The following ZNF423 variants were observed in gnomAD, a reference collection of about 807,000 sequenced individuals.
The protein encoded by ZNF423 is Ebf-associated zinc finger protein.
Under a neutral mutation model 95.8 loss-of-function variants are expected in ZNF423, and 12 were observed. The ratio of observed to expected loss-of-function variants is 0.13; its 90% CI spans 0.08 to 0.20. ZNF423 has a LOEUF of 0.20. Ranked by LOEUF, ZNF423 falls within the 10% of genes least tolerant of loss-of-function variation. The pLI, the probability that ZNF423 is intolerant of heterozygous loss-of-function variation, is 1.00. For synonymous variants in ZNF423, 749 were observed against 711.9 expected, an observed-to-expected ratio of 1.05 and a Z score of -0.83; for missense variants, 1,316 against 1,737.1, an observed-to-expected ratio of 0.76 and a Z score of 4.31.
At chr16:49,600,534 A>G (rs1971331875) in intron 5 of ZNF423, among the ~76,000 whole-genome samples, 2 of 151,982 alleles carry the variant, frequency 1.3e-5, no homozygotes, top group Admixed American at 1.3e-4. Context: ...GATAGACACA[A>G]TTCTGGGCAA....
chr16:49,760,996 A>G (rs992774824), intron 2 of ZNF423, among the ~76,000 whole-genome samples: 6 of 151,662 alleles, frequency 4.0e-5, no homozygotes, highest in Admixed American at 1.3e-4. Flanking sequence ...GCACACACGC[A>G]CACATATATA....
At chr16:49,756,840 G>A (rs907300402) in intron 2 of ZNF423, among the ~76,000 whole-genome samples, 4 of 152,340 alleles carry the variant, frequency 2.6e-5, no homozygotes, top group African/African-American at 7.2e-5. Context: ...GCGAGATGGC[G>A]GGGGGAAGCC....
At chr16:49,585,356 C>A (rs1700417773) in intron 5 of ZNF423, among the ~76,000 whole-genome samples, 1 of 152,188 alleles carries the variant, frequency 6.6e-6, no homozygotes, top group Admixed American at 6.5e-5. Context: ...CCCTCCCACT[C>A]CCAAGGTCCC....
intron 1 of ZNF423, among the ~76,000 whole-genome samples, chr16:49,807,083 T>A (rs1180930620): frequency 6.6e-6 from 1 of 150,642 alleles, no homozygotes; most frequent in Non-Finnish European, 1.5e-5. Flanking sequence ...ATGTTAAACA[T>A]ACACTACAGC....
At chr16:49,802,128 G>A (rs1385312234) in intron 1 of ZNF423, among the ~76,000 whole-genome samples, 2 of 152,168 alleles carry the variant, frequency 1.3e-5, no homozygotes, top group African/African-American at 4.8e-5. Flanking sequence ...GATTACAGGA[G>A]TGAGCCACCA....
chr16:49,625,364 T>A (rs1234864377), intron 5 of ZNF423, among the ~76,000 whole-genome samples: 1 of 151,988 alleles, frequency 6.6e-6, no homozygotes, highest in Non-Finnish European at 1.5e-5. Flanking sequence ...AATAAAAAAT[T>A]AACAAAAAGA....
chr16:49,659,147 G>A (rs138964214), intron 3 of ZNF423, among the ~76,000 whole-genome samples: 2,110 of 152,288 alleles, frequency 0.014, 61 homozygotes, highest in African/African-American at 0.047. Flanking sequence ...GCAGTGCAGT[G>A]GCGCAATCAT....
chr16:49,778,448 T>A (rs1215642070), intron 2 of ZNF423, among the ~76,000 whole-genome samples: 7 of 152,220 alleles, frequency 4.6e-5, no homozygotes, highest in African/African-American at 1.7e-4. Flanking sequence ...AGTCCATGTG[T>A]CCAGCCCCAC....
chr16:49,676,111 T>A (rs1278232368), intron 3 of ZNF423, among the ~76,000 whole-genome samples: 1 of 152,132 alleles, frequency 6.6e-6, no homozygotes, highest in Non-Finnish European at 1.5e-5. Context: ...AGGGAGAGAA[T>A]GAATAAATAA....
rs1268221790 is a variant in ZNF423, at chr16:49,636,067, C to T, written c.3109G>A (p.Val1037Ile). The T allele has an allele frequency of 1.2e-6, 2 of 1,613,892 alleles. No individual in the cohort carries two copies. Among genetic ancestry groups the T allele is most frequent in the Non-Finnish European group, 1.7e-6 (2 of 1,179,886 alleles). ...GFRCVVCMQT[V>I]TSTLELKIHG... ...ATCTTGAGCTCAAGCGTGGAAGTGA[C>T]TGTCTGCATGCAGACCACACAGCGG... Residue 1037 changes from valine (V) to isoleucine (I), a missense_variant, in exon 4 of 8, where the codon GTC (valine) becomes ATC (isoleucine). Coordinates refer to ENST00000563137, the MANE Select transcript of ZNF423 (RefSeq NM_001379286.1). This position sits in a 1 kb window ranked among gnomAD's most constrained non-coding sequence, Gnocchi z 8.6.
At position 49,635,931 on chromosome 16, in the gene ZNF423, C is replaced by T. The variant is rs370797524; in HGVS notation, c.3245G>A (p.Arg1082His). 21 of 1,589,230 alleles carry T rather than the reference C, an allele frequency of 1.3e-5. No homozygotes were observed. The highest frequency in any genetic ancestry group is 9.4e-5 in the African/African-American group (7 of 74,570). Residue 1082 changes from arginine (R) to histidine (H), a missense_variant, in exon 4 of 8, where the codon CGC becomes CAC. This residue lies in a region of ZNF423 where 620 missense variants were observed against 775.6 expected (regional missense o/e 0.80). Coordinates refer to ENST00000563137, the MANE Select transcript of ZNF423 (RefSeq NM_001379286.1). This position sits in a 1 kb window ranked among gnomAD's most constrained non-coding sequence, Gnocchi z 4.8. ...YKCALCLKEF[R>H]SKQDLVKLDV... ...AAGCTTCACCAGGTCCTGCTTGCTG[C>T]GGAACTCCTTGAGGCACAGGGCGCA...
chr16:49,574,685 T>C (rs1318463225), intron 5 of ZNF423, among the ~76,000 whole-genome samples: 1 of 152,014 alleles, frequency 6.6e-6, no homozygotes, highest in Non-Finnish European at 1.5e-5. Context: ...ACAGGGGCAC[T>C]CTCCGCCTAC....
At chr16:49,712,280 G>T (rs1418426274) in intron 3 of ZNF423, among the ~76,000 whole-genome samples, 2 of 152,236 alleles carry the variant, frequency 1.3e-5, no homozygotes, top group African/African-American at 4.8e-5. Flanking sequence ...AGAAGGAACG[G>T]GCGCCCGCAC....
intron 3 of ZNF423, among the ~76,000 whole-genome samples, chr16:49,649,638 T>TACACACACACAC (rs58838858): frequency 7.1e-6 from 1 of 140,410 alleles, no homozygotes; most frequent in East Asian, 2.0e-4. Context: ...TGCTTTGAAG[T>TACACACACACAC]ACACACACAC....
chr16:49,697,412 C>T lies in ZNF423; in HGVS notation c.301+33359G>A, dbSNP rs75380828. 3.7e-3 allele frequency among the ~76,000 whole-genome samples: 560 copies of T among 152,162 alleles called. 4 individuals carry two copies. The highest frequency in any genetic ancestry group is 3.4e-3 in the Non-Finnish European group (228 of 67,988). Reference sequence around the variant, plus strand: ...TAATAGGAGGGCTCACTCCAAAATGCTAATTACCTACCAAGTAGGCTCCTG... The same window carrying T: ...TAATAGGAGGGCTCACTCCAAAATGTTAATTACCTACCAAGTAGGCTCCTG... On this transcript the variant is annotated intron_variant, in intron 3 of 7. Transcript: ENST00000563137.
At chr16:49,842,696 C>G (rs2035203428) in intron 1 of ZNF423, among the ~76,000 whole-genome samples, 1 of 152,140 alleles carries the variant, frequency 6.6e-6, no homozygotes, top group Admixed American at 6.5e-5. Flanking sequence ...GAGAAAAAGG[C>G]TGGGCGCCGT....
chr16:49,856,697 G>A (rs547416162), upstream of ZNF423, among the ~76,000 whole-genome samples: 4 of 148,960 alleles, frequency 2.7e-5, no homozygotes, highest in Non-Finnish European at 6.0e-5. Context: ...GCGCGCGGGG[G>A]CGCTCAGGCG....
At chr16:49,677,270 A>G (rs1294448377) in intron 3 of ZNF423, among the ~76,000 whole-genome samples, 1 of 68,542 alleles carries the variant, frequency 1.5e-5, no homozygotes, top group African/African-American at 5.5e-5. Context: ...AGAGAAGAGA[A>G]GAGAAGAGAA....
intron 1 of ZNF423, among the ~76,000 whole-genome samples, chr16:49,848,288 G>C (rs939169311): frequency 6.6e-6 from 1 of 152,126 alleles, no homozygotes; most frequent in Non-Finnish European, 1.5e-5. Context: ...GTAGGTGACG[G>C]TGATAGGCAT....
Sources: gnomAD v4.1 joint callset for allele counts (sites outside exome capture counted in the v4.1 genomes callset) on GRCh38, gnomAD v4.1.1 for gene constraint, gnomAD v4.1.1 regional missense constraint, Gnocchi (gnomAD v3.1) non-coding constraint, MANE v1.5 for transcripts, NCBI Gene and HGNC (gene_info 2026-07-23, HGNC 2026-07-21) for gene names.